The following CELSR1 variants were observed in gnomAD, a reference collection of about 807,000 sequenced individuals.
CELSR1 encodes the protein cadherin EGF LAG seven-pass G-type receptor 1, also known as adhesion G protein-coupled receptor C1.
In CELSR1, 110 loss-of-function variants were observed where a neutral mutation model predicts 249.1. The observed-to-expected ratio is 0.44, with a 90% CI of 0.38 to 0.52. The LOEUF (loss-of-function observed/expected upper bound fraction) is 0.52, where lower values mean the gene tolerates loss of function less well. CELSR1 is among the 20% of genes least tolerant of loss of function. The pLI is 0.00. For synonymous variants in CELSR1, 2,113 were observed against 1,900.0 expected (o/e 1.11, Z -2.92); for missense variants, 4,109 against 4,296.4 (o/e 0.96, Z 1.22).
intron 17 of CELSR1, 24 bp from the exon 18 acceptor site, chr22:46,389,523 T>C (rs1000745291): frequency 6.2e-7 from 1 of 1,611,932 alleles, no homozygotes; most frequent in Non-Finnish European, 8.5e-7. Context: ...GCAGTCGTGA[T>C]GTGTGCAAAC....
chr22:46,389,230 C>T, intron 18 of CELSR1, 60 bp downstream of exon 18: 1 of 1,567,588 alleles, frequency 6.4e-7, no homozygotes. Flanking sequence ...ACAGCACCCA[C>T]CCACGGGCAT....
intron 5 of CELSR1, among the ~76,000 whole-genome samples, chr22:46,432,767 C>A (rs536077024): frequency 4.6e-5 from 7 of 152,216 alleles, no homozygotes; most frequent in African/African-American, 1.7e-4. Context: ...ATTTCAGCCA[C>A]TAGTAGACTC....
intron 1 of CELSR1, among the ~76,000 whole-genome samples, chr22:46,497,621 G>C (rs76287576): frequency 4.9e-4 from 75 of 152,236 alleles, no homozygotes; most frequent in African/African-American, 1.8e-3. Context: ...CCTAATCCAG[G>C]ATGATCCCAT....
At chr22:46,377,451 C>A in intron 23 of CELSR1, 190 bp from the exon 24 acceptor site, 1 of 626,038 alleles carries the variant, frequency 1.6e-6, no homozygotes, top group Admixed American at 2.7e-5. Context: ...TCCTTCAATG[C>A]CCTGGGCCCT....
intron 1 of CELSR1, among the ~76,000 whole-genome samples, chr22:46,486,039 G>A (rs1343667176): frequency 6.9e-6 from 1 of 144,580 alleles, no homozygotes; most frequent in Non-Finnish European, 1.5e-5. Context: ...CCAGGTTCAC[G>A]CCATTCTCCT....
rs142373465 is a variant in CELSR1, at chr22:46,534,672, C to T, written c.2499G>A (p.Pro833=). ...CACTGTCGGGGTCAATGCGGAACTG[C>T]GGCACGGGGTCCTGAATCACGTAGG... is the stretch of plus-strand genomic sequence containing the variant. The part of the protein sequence containing the change: ...RITYVIQDPV[P]QFRIDPDSGT... Residue 833 remains proline, a synonymous_variant, in exon 1 of 35, where the codon CCG becomes CCA. Transcript: ENST00000674500. This position sits in a 1 kb window ranked among gnomAD's most constrained non-coding sequence, Gnocchi z 9.7. The T allele has an allele frequency of 4.3e-6, 7 of 1,613,612 alleles. No individual in the cohort carries two copies. Among genetic ancestry groups the T allele is most frequent in the Admixed American group, 1.7e-5 (1 of 59,998 alleles).
At chr22:46,455,384 C>T (rs958853415) in intron 2 of CELSR1, among the ~76,000 whole-genome samples, 10 of 152,156 alleles carry the variant, frequency 6.6e-5, no homozygotes, top group Admixed American at 2.6e-4. Flanking sequence ...TGCCTGCCAC[C>T]GCGCCTGGCT....
At position 46,372,906 on chromosome 22, in the gene CELSR1, C is replaced by A; in HGVS notation, c.7736G>T (p.Trp2579Leu). 1 of 1,609,466 alleles carries A rather than the reference C, an allele frequency of 6.2e-7. No homozygotes were observed. The change falls in exon 25 of 35, where the codon TGG becomes TTG. Residue 2579 changes from tryptophan (W) to leucine (L), a missense_variant. By Grantham distance (61) the Trp-to-Leu change is moderately conservative. This residue lies in a region of CELSR1 where 1,805 missense variants were observed against 1,831.6 expected (regional missense o/e 0.99). Coordinates refer to ENST00000674500, the MANE Select transcript of CELSR1 (RefSeq NM_001378328.1). ...ACCTGTGACAATGGCCGGGATGCCC[C>A]AGCCCACGACGTAGTAGAACCGCAT... ...GPMRFYYVVG[W>L]GIPAIVTGLA... is the part of the protein sequence containing the mutation.
chr22:46,373,539 G>A (rs955880414), intron 24 of CELSR1, among the ~76,000 whole-genome samples: 3 of 151,518 alleles, frequency 2.0e-5, no homozygotes, highest in African/African-American at 7.3e-5. Context: ...TTCGTGCCCA[G>A]TGCTCTGGGA....
In CELSR1 at chr22:46,363,328, G is replaced by T. The variant is rs560027124; in HGVS notation, c.9036-81C>A. Reference sequence around the variant, plus strand: ...GGTGGGGCCCAAGGTTGTCACACGGGGGGGCAGGATCACCCCATCAGGGTA... The same window carrying T: ...GGTGGGGCCCAAGGTTGTCACACGGTGGGGCAGGATCACCCCATCAGGGTA... On this transcript the variant is annotated intron_variant, in intron 34 of 34. Coordinates refer to ENST00000674500, the MANE Select transcript of CELSR1 (RefSeq NM_001378328.1). The surrounding 1 kb of genome is among the most constrained non-coding windows in gnomAD (Gnocchi z 4.3). The T allele has an allele frequency of 4.0e-5, 50 of 1,243,364 alleles. No individual in the cohort carries two copies. The highest frequency in any genetic ancestry group is 1.0e-4 in the African/African-American group (7 of 68,076). The allele number at this position is 1,243,364 out of a possible 1,614,324, so 77.0% of individuals were successfully genotyped here.
chr22:46,438,074 G>A (rs913845727), intron 3 of CELSR1, among the ~76,000 whole-genome samples: 6 of 152,106 alleles, frequency 3.9e-5, no homozygotes, highest in East Asian at 1.9e-4. Context: ...GCAAGCACAC[G>A]TACACCGCTG....
At chr22:46,400,019 C>T (rs529740702) in intron 9 of CELSR1, 117 bp from the exon 10 acceptor site, 306 of 1,095,384 alleles carry the variant, frequency 2.8e-4, no homozygotes, top group Non-Finnish European at 3.7e-4. Context: ...GCACCAGATA[C>T]AAGATAGGCT....
chr22:46,525,135 G>C (rs1048882642), intron 1 of CELSR1, among the ~76,000 whole-genome samples: 8 of 152,204 alleles, frequency 5.3e-5, no homozygotes, highest in Non-Finnish European at 1.2e-4. Context: ...CAAGAGGAAG[G>C]CTGGGTCACT....
chr22:46,535,509 C>A lies in CELSR1; in HGVS notation c.1662G>T (p.Gln554His), dbSNP rs2080843311. Residue 554 changes from glutamine to histidine, a missense_variant, in exon 1 of 35, where the codon CAG (glutamine) becomes CAT (histidine). Physicochemically the swap from Gln to His is conservative, Grantham distance 24. Transcript: ENST00000674500. ...LINSSGVVSV[Q>H]VLDVNDNEPI... is the part of the protein sequence containing the mutation. ...GCTCGTTGTCGTTGACATCCAGCAC[C>A]TGCACAGACACCACCCCTGAAGAAT... 2 of 1,612,972 alleles carry A rather than the reference C, an allele frequency of 1.2e-6. No individual in the cohort carries two copies. The highest frequency in any genetic ancestry group is 1.3e-5 in the African/African-American group (1 of 74,946).
At position 46,381,739 on chromosome 22, in the gene CELSR1, T is replaced by C; in HGVS notation, c.7088+107A>G. ...TCTCTGGGCCAGGGTCACGGTGAAA[T>C]GTCACTGTGAAGACCTGTGCTTGAT... On this transcript the variant is annotated intron_variant, in intron 21 of 34. Coordinates refer to ENST00000674500, the MANE Select transcript of CELSR1 (RefSeq NM_001378328.1). This position sits in a 1 kb window ranked among gnomAD's most constrained non-coding sequence, Gnocchi z 6.0. The C allele has an allele frequency of 9.6e-7, 1 of 1,045,770 alleles. No homozygotes were observed. Among genetic ancestry groups the C allele is most frequent in the East Asian group, 2.6e-5 (1 of 38,188 alleles). The allele number at this position is 1,045,770 out of a possible 1,614,324, so 64.8% of individuals were successfully genotyped here. A position where few individuals can be genotyped will look rare whatever the true frequency, so the allele number is the denominator to read the frequency against.
At chr22:46,470,118 T>TG (rs1353416543) in intron 1 of CELSR1, among the ~76,000 whole-genome samples, 1 of 125,522 alleles carries the variant, frequency 8.0e-6, no homozygotes, top group Non-Finnish European at 1.6e-5. Flanking sequence ...CCTGTTTGAC[T>TG]TTTTTTTTTT....
Position 46,534,226 on chromosome 22 carries a change from G to A in CELSR1, c.2945C>T (p.Ser982Leu), listed in dbSNP as rs539774973. 1.2e-5 allele frequency: 20 copies of A among 1,613,732 alleles called. No individual in the cohort carries two copies. The highest frequency in any genetic ancestry group is 1.6e-4 in the Middle Eastern group (1 of 6,062). The change falls in exon 1 of 35, where the codon TCG becomes TTG. Residue 982 changes from serine (S) to leucine (L), a missense_variant. Around this residue, in one of 7 missense-constraint regions of CELSR1, gnomAD observed 886 missense variants for 896.5 expected, o/e 0.99. Transcript: ENST00000674500. This position sits in a 1 kb window ranked among gnomAD's most constrained non-coding sequence, Gnocchi z 9.7. ...DRGSPTPLSA[S>L]VEIQVTILDI... ...CAAGATGGTCACCTGGATTTCTACC[G>A]AGGCGCTAAGGGGAGTGGGACTGCC...
chr22:46,512,989 A>G lies in CELSR1; in HGVS notation c.3544+20638T>C, dbSNP rs146364447. Among the ~76,000 whole-genome samples the G allele has an allele frequency of 1.3e-5, 2 of 152,308 alleles. No homozygotes were observed. Among genetic ancestry groups the G allele is most frequent in the East Asian group, 3.9e-4 (2 of 5,180 alleles). On this transcript the variant is annotated intron_variant, in intron 1 of 34. Transcript: ENST00000674500. The surrounding 1 kb of genome is among the most constrained non-coding windows in gnomAD (Gnocchi z 5.2). Reference sequence around the variant, plus strand: ...GCACTGCTGCTGACCTCATCTGTCCAGTGTCAGGTGCTCAGCAATCCCCAT... The same window carrying G: ...GCACTGCTGCTGACCTCATCTGTCCGGTGTCAGGTGCTCAGCAATCCCCAT...
At chr22:46,449,589 C>G (rs954768639) in intron 2 of CELSR1, among the ~76,000 whole-genome samples, 3 of 152,206 alleles carry the variant, frequency 2.0e-5, no homozygotes, top group Admixed American at 6.5e-5. Flanking sequence ...GTGGGCCATT[C>G]TTTAGGCAGT....
Sources: allele counts gnomAD v4.1 joint callset (sites outside exome capture counted in the v4.1 genomes callset), GRCh38; gene constraint gnomAD v4.1.1; regional missense constraint gnomAD v4.1.1; non-coding constraint Gnocchi (gnomAD v3.1); transcripts MANE v1.5; gene names NCBI Gene and HGNC (gene_info 2026-07-23, HGNC 2026-07-21).